The following DOT1L variants were observed in gnomAD, a reference collection of about 807,000 sequenced individuals.
The protein encoded by DOT1L is DOT1 like histone lysine methyltransferase, also known as histone-lysine N-methyltransferase, H3 lysine-79 specific.
In DOT1L, 33 loss-of-function variants were observed where a neutral mutation model predicts 153.3. The ratio of observed to expected loss-of-function variants is 0.22; its 90% CI spans 0.16 to 0.29. The LOEUF is 0.29. Ranked by LOEUF, DOT1L falls within the 10% of genes least tolerant of loss-of-function variation. DOT1L has a pLI of 1.00. For synonymous variants in DOT1L, 1,135 were observed against 965.1 expected (o/e 1.18, Z -3.26); for missense variants, 1,847 against 2,119.9 (o/e 0.87, Z 2.53).
chr19:2,229,691 G>A (rs1006692053), intron 27 of DOT1L, 94 bp from the exon 28 acceptor site: 24 of 1,606,736 alleles, frequency 1.5e-5, no homozygotes, highest in African/African-American at 1.3e-4. Flanking sequence ...GTGTGTGCTC[G>A]TGGGAGGCCT....
In DOT1L at chr19:2,191,304, C is replaced by A; in HGVS notation, c.493+64C>A. The A allele has an allele frequency of 6.6e-7, 1 of 1,513,942 alleles. No homozygotes were observed. The highest frequency in any genetic ancestry group is 9.1e-7 in the Non-Finnish European group (1 of 1,093,890). 93.8% of individuals were successfully genotyped at this position (1,513,942 alleles called of 1,614,324 possible). A position where few individuals can be genotyped will look rare whatever the true frequency, so the allele number is the denominator to read the frequency against. On this transcript the variant is annotated intron_variant, in intron 5 of 27. Coordinates refer to ENST00000398665, the MANE Select transcript of DOT1L (RefSeq NM_032482.3). This position sits in a 1 kb window ranked among gnomAD's most constrained non-coding sequence, Gnocchi z 6.8. ...CAGGCCACACGCTCTGTGCCTGCCC[C>A]ATGCCTGCTTGGAGAAGAGTTTATC...
intron 14 of DOT1L, 95 bp from the exon 15 acceptor site, chr19:2,211,004 C>A (rs534270938): frequency 4.1e-6 from 6 of 1,467,786 alleles, no homozygotes; most frequent in Non-Finnish European, 3.8e-6. Flanking sequence ...GTGGCCCCAT[C>A]CTAAGGGGTT....
At chr19:2,221,675 C>T (rs1478893919) in intron 23 of DOT1L, 6 of 439,622 alleles carry the variant, frequency 1.4e-5, no homozygotes, top group African/African-American at 9.9e-5. Flanking sequence ...TCAGAGGAAG[C>T]CTAGCTCAGC....
intron 7 of DOT1L, among the ~76,000 whole-genome samples, chr19:2,194,939 C>G (rs1045759502): frequency 2.0e-5 from 3 of 152,156 alleles, no homozygotes; most frequent in Non-Finnish European, 4.4e-5. Flanking sequence ...CTGGGGACAG[C>G]CTTGTTTGGA....
chr19:2,194,996 C>T (rs111539538), intron 7 of DOT1L, among the ~76,000 whole-genome samples: 23 of 152,282 alleles, frequency 1.5e-4, no homozygotes, highest in African/African-American at 5.5e-4. Context: ...AAGCCAGCAA[C>T]CTCGGGGTGG....
At chr19:2,166,246 G>A (rs1014847690) in intron 1 of DOT1L, among the ~76,000 whole-genome samples, 4 of 150,824 alleles carry the variant, frequency 2.7e-5, no homozygotes, top group Non-Finnish European at 5.9e-5. Context: ...ACAGGCATGC[G>A]CCACCACACC....
rs2144800271 is a variant in DOT1L, at chr19:2,204,217, CTG to C, written c.787+1441_787+1442del. ...CCTGTGCGTGCCTGTGTCTGCATGTCTGTGCCTGTGTGCATGCCTGTGTGTGT... is the reference window on the plus strand; with the variant it reads ...CCTGTGCGTGCCTGTGTCTGCATGTCTGCCTGTGTGCATGCCTGTGTGTGT... On this transcript the variant is annotated intron_variant, in intron 9 of 27. Transcript: ENST00000398665. This position sits in a 1 kb window ranked among gnomAD's most constrained non-coding sequence, Gnocchi z 5.7. Among the ~76,000 whole-genome samples, 1 of 151,716 alleles carries C rather than the reference CTG, an allele frequency of 6.6e-6. No individual in the cohort carries two copies. The highest frequency in any genetic ancestry group is 2.1e-4 in the South Asian group (1 of 4,790).
At chr19:2,202,946 C>G (rs1396786418) in intron 9 of DOT1L, among the ~76,000 whole-genome samples, 167 bp downstream of exon 9, 1 of 152,046 alleles carries the variant, frequency 6.6e-6, no homozygotes, top group Non-Finnish European at 1.5e-5. Flanking sequence ...TTTATTGAGA[C>G]AGTTTTCCTC....
intron 8 of DOT1L, among the ~76,000 whole-genome samples, chr19:2,201,187 C>CTCCCCGCATTCCTCGTCG (rs1555721731): frequency 0.026 from 1,681 of 65,358 alleles, 294 homozygotes; most frequent in Non-Finnish European, 0.034. Context: ...ATTCCTCGTC[C>CTCCCCGCATTCCTCGTCG]TCCCCTCATT....
rs749852709 is a variant in DOT1L at position 2,226,179 on chromosome 19, C to G, written c.3662-4C>G. On this transcript the variant is annotated splice_region_variant and splice_polypyrimidine_tract_variant and intron_variant, in intron 26 of 27. Transcript: ENST00000398665. ...TCACGGCTTCTGCCTTTCCTCTTTG[C>G]CAGGTGGTGGCTTGGCGGGAAGGAA... 2.6e-6 allele frequency: 4 copies of G among 1,514,490 alleles called. No homozygotes were observed. Among genetic ancestry groups the G allele is most frequent in the Middle Eastern group, 1.8e-4 (1 of 5,622 alleles). 93.8% of individuals were successfully genotyped at this position (1,514,490 alleles called of 1,614,324 possible). A position where few individuals can be genotyped will look rare whatever the true frequency, so the allele number is the denominator to read the frequency against.
chr19:2,211,786 T>C lies in DOT1L; in HGVS notation c.1501T>C (p.Tyr501His), dbSNP rs2023724508. 6.4e-7 allele frequency: 1 copy of C among 1,573,106 alleles called. No individual in the cohort carries two copies. Among genetic ancestry groups the C allele is most frequent in the Non-Finnish European group, 8.6e-7 (1 of 1,158,728 alleles). Residue 501 changes from tyrosine to histidine, a missense_variant, in exon 16 of 28, where the codon TAC becomes CAC. Physicochemically the swap from Tyr to His is moderately conservative, Grantham distance 83. This residue lies in a region of DOT1L where 156 missense variants were observed against 235.7 expected (regional missense o/e 0.66). Coordinates refer to ENST00000398665, the MANE Select transcript of DOT1L (RefSeq NM_032482.3). ...GATCCAGTACCTGCAGTTCCTGGCA[T>C]ACACAAAGACCCCCCAGTACAAGGC... Reference protein sequence around the residue: ...FKIQYLQFLAYTKTPQYKASL... With the variant: ...FKIQYLQFLAHTKTPQYKASL...
intron 19 of DOT1L, among the ~76,000 whole-genome samples, chr19:2,215,190 CG>C (rs2072624297): frequency 6.6e-6 from 1 of 152,204 alleles, no homozygotes; most frequent in Non-Finnish European, 1.5e-5. Flanking sequence ...TGTTTGAGCC[CG>C]GGAGGTGGAG....
Position 2,226,469 on chromosome 19 carries a change from C to A in DOT1L, c.3948C>A (p.Cys1316Ter). The A allele has an allele frequency of 6.2e-7, 1 of 1,601,726 alleles. No homozygotes were observed. Among genetic ancestry groups the A allele is most frequent in the Non-Finnish European group, 8.5e-7 (1 of 1,179,620 alleles). The stretch of plus-strand genomic sequence containing the variant: ...CGGGCACCAACCCTGCCAACGGCTG[C>A]ACCTTCGGCGGGGGCCTGGCCGCGG... ...LSPGTNPANG[C>*]TFGGGLAADL... The change falls in exon 27 of 28, where the codon TGC (cysteine) becomes TGA (stop). Residue 1316 changes from cysteine (C) to a stop codon, truncating the protein, a stop_gained. Coordinates refer to ENST00000398665, the MANE Select transcript of DOT1L (RefSeq NM_032482.3). LOFTEE classifies it high-confidence loss of function.
chr19:2,177,872 C>T (rs1568330734), intron 1 of DOT1L, among the ~76,000 whole-genome samples: 1 of 152,030 alleles, frequency 6.6e-6, no homozygotes, highest in Admixed American at 6.6e-5. Flanking sequence ...AGAGATTCTC[C>T]TGCCTCAGCC....
At chr19:2,184,086 C>T (rs553836387) in intron 2 of DOT1L, among the ~76,000 whole-genome samples, 1 of 152,312 alleles carries the variant, frequency 6.6e-6, no homozygotes, top group East Asian at 1.9e-4. Context: ...TGAGTGAAGA[C>T]CGTGCGGCCG....
rs373323311 is a variant in DOT1L at position 2,232,238 on chromosome 19, C to T, written c.*2446C>T. 6.8e-5 allele frequency: 15 copies of T among 219,702 alleles called. No homozygotes were observed. Among genetic ancestry groups the T allele is most frequent in the Middle Eastern group, 2.9e-3 (2 of 694 alleles). 13.6% of individuals were successfully genotyped at this position (219,702 alleles called of 1,614,324 possible). A position where few individuals can be genotyped will look rare whatever the true frequency, so the allele number is the denominator to read the frequency against. On this transcript the variant is annotated 3_prime_UTR_variant, in exon 28 of 28. Coordinates refer to ENST00000398665, the MANE Select transcript of DOT1L (RefSeq NM_032482.3). ...AACCCTAAAAACTAGGATACCCCCT[C>T]CTCGGCCCATGAGGCACGCACAGTG... is the stretch of plus-strand genomic sequence containing the variant.
intron 25 of DOT1L, among the ~76,000 whole-genome samples, chr19:2,223,983 C>T (rs924098195): frequency 3.1e-4 from 47 of 152,258 alleles, no homozygotes; most frequent in Admixed American, 6.5e-4. Flanking sequence ...CTTCTCCTCC[C>T]AAGAGCCCCT....
intron 1 of DOT1L, among the ~76,000 whole-genome samples, chr19:2,166,147 A>G (rs190823912): frequency 6.6e-6 from 1 of 151,548 alleles, no homozygotes; most frequent in East Asian, 1.9e-4. Flanking sequence ...CCCAGGCTGG[A>G]GTGCAATGGT....
Position 2,199,952 on chromosome 19 carries a change from T to TG in DOT1L, c.707+17dup. 1.2e-6 allele frequency: 2 copies of TG among 1,613,272 alleles called. No homozygotes were observed. Among genetic ancestry groups the TG allele is most frequent in the Non-Finnish European group, 1.7e-6 (2 of 1,179,610 alleles). On this transcript the variant is annotated intron_variant, in intron 8 of 27. Coordinates refer to ENST00000398665, the MANE Select transcript of DOT1L (RefSeq NM_032482.3). ...TCGCCAACACGAGGTATGGCCAGCG[T>TG]GGGGCATGCAGGGCATGTGGGGTGT...
Sources: gnomAD v4.1 joint callset for allele counts (sites outside exome capture counted in the v4.1 genomes callset) on GRCh38, gnomAD v4.1.1 for gene constraint, gnomAD v4.1.1 regional missense constraint, Gnocchi (gnomAD v3.1) non-coding constraint, MANE v1.5 for transcripts, NCBI Gene and HGNC (gene_info 2026-07-23, HGNC 2026-07-21) for gene names.